Variants in ABCB4 observed in about 807,000 individuals in gnomAD.
ABCB4 encodes the protein phosphatidylcholine translocator ABCB4.
ABCB4 carries 76 observed loss-of-function variants against 145.7 expected under a neutral mutation model. The ratio of observed to expected loss-of-function variants is 0.52; its 90% CI spans 0.43 to 0.63. The LOEUF (loss-of-function observed/expected upper bound fraction) is 0.63, where lower values mean the gene tolerates loss of function less well. Among genes scored for constraint, ABCB4 ranks in the 30% least tolerant of loss-of-function variants. The pLI is 0.00. For synonymous variants in ABCB4, 517 were observed against 566.8 expected (o/e 0.91, Z 1.25); for missense variants, 1,234 against 1,553.1 (o/e 0.79, Z 3.45).
downstream of ABCB4, chr7:87,398,350 G>A: frequency 1.3e-6 from 1 of 773,258 alleles, no homozygotes; most frequent in South Asian, 1.4e-5. Flanking sequence ...GTGTTTCTTA[G>A]CATTATCTAC....
chr7:87,390,324 G>T, the ABCB4 span, among the ~76,000 whole-genome samples: 1 of 152,054 alleles, frequency 6.6e-6, no homozygotes. Flanking sequence ...TTTACCTAAC[G>T]TTTCAGTAGT....
At chr7:87,428,379 C>T (rs533376187) in intron 15 of ABCB4, among the ~76,000 whole-genome samples, 1 of 152,112 alleles carries the variant, frequency 6.6e-6, no homozygotes, top group African/African-American at 2.4e-5. Flanking sequence ...TTTCTTCCAC[C>T]CAGGTATACT....
chr7:87,474,267 T>C (rs941127397), intron 2 of ABCB4, among the ~76,000 whole-genome samples: 1 of 152,234 alleles, frequency 6.6e-6, no homozygotes, highest in African/African-American at 2.4e-5. Flanking sequence ...AGTCAATCCC[T>C]GCCTAAACAG....
chr7:87,382,447 C>A, the ABCB4 span: 6 of 1,613,774 alleles, frequency 3.7e-6, no homozygotes, highest in Non-Finnish European at 4.2e-6. Flanking sequence ...TATGCCTTTA[C>A]ATCTTTTGGC....
chr7:87,392,615 A>G, the ABCB4 span: 1 of 1,613,578 alleles, frequency 6.2e-7, no homozygotes, highest in East Asian at 2.2e-5. Context: ...AAGCATAATA[A>G]AATGATGAAA....
the ABCB4 span, chr7:87,393,098 C>CT: frequency 1.9e-6 from 3 of 1,602,674 alleles, no homozygotes; most frequent in African/African-American, 2.7e-5. Context: ...TCTTTCTGTG[C>CT]TATAGAGTAG....
chr7:87,464,281 A>G (rs1463653953), intron 3 of ABCB4, among the ~76,000 whole-genome samples: 1 of 152,196 alleles, frequency 6.6e-6, no homozygotes, highest in African/African-American at 2.4e-5. Context: ...GACAGGGACA[A>G]ACTCCATCAT....
In ABCB4 at chr7:87,462,771, G is replaced by A. The variant is rs766793303; in HGVS notation, c.273C>T (p.Asn91=). ...AGAAATGCTTACCTGGAAAGGAGAA[G>A]TTTCCTGCAGTATCAACAAATTTGT... ...MTDKFVDTAG[N]FSFPVNFSLS... Residue 91 remains asparagine (N), a synonymous_variant, in exon 4 of 28, where the codon AAC becomes AAT. Transcript: ENST00000649586. 6.2e-7 allele frequency: 1 copy of A among 1,613,946 alleles called. No homozygotes were observed. Among genetic ancestry groups the A allele is most frequent in the Non-Finnish European group, 8.5e-7 (1 of 1,179,894 alleles).
intron 19 of ABCB4, 122 bp from the exon 20 acceptor site, chr7:87,418,742 G>T: frequency 2.3e-6 from 2 of 869,984 alleles, no homozygotes; most frequent in South Asian, 1.4e-5. Context: ...GCAGTGTAGA[G>T]TCCCTGGCCT....
chr7:87,405,267 A>G (rs1478573494), intron 26 of ABCB4, among the ~76,000 whole-genome samples: 8 of 152,218 alleles, frequency 5.3e-5, no homozygotes, highest in Non-Finnish European at 1.0e-4. Flanking sequence ...CATACTGTAT[A>G]TATTTTTATA....
chr7:87,401,123 C>CTTGG (rs1160196752), downstream of ABCB4, among the ~76,000 whole-genome samples: 1 of 152,158 alleles, frequency 6.6e-6, no homozygotes, highest in African/African-American at 2.4e-5. Flanking sequence ...CCACTTTTAT[C>CTTGG]TTGGTTAATC....
chr7:87,432,354 G>A (rs917106087), intron 14 of ABCB4, among the ~76,000 whole-genome samples: 5 of 152,136 alleles, frequency 3.3e-5, no homozygotes, highest in Non-Finnish European at 7.4e-5. Context: ...CCTACTCTGA[G>A]ACAATCAAAC....
the ABCB4 span, chr7:87,382,642 T>A: frequency 8.1e-7 from 1 of 1,241,718 alleles, no homozygotes; most frequent in Non-Finnish European, 1.1e-6. Context: ...TTTTGCTCAC[T>A]TTTTTCCCAG....
the ABCB4 span, among the ~76,000 whole-genome samples, chr7:87,384,111 G>A: frequency 6.6e-6 from 1 of 152,072 alleles, no homozygotes; most frequent in Non-Finnish European, 1.5e-5. Context: ...TGATAAAAGT[G>A]ATTTTTAACT....
At chr7:87,448,187 T>C (rs897326595) in intron 8 of ABCB4, among the ~76,000 whole-genome samples, 6 of 152,150 alleles carry the variant, frequency 3.9e-5, no homozygotes, top group African/African-American at 1.4e-4. Context: ...AAAATTTAAT[T>C]TGGGCTCCCT....
rs1809758043 is a variant in ABCB4, at chr7:87,425,731, C to T, written c.2064+1019G>A. 2.0e-5 allele frequency among the ~76,000 whole-genome samples: 3 copies of T among 151,816 alleles called. No individual in the cohort carries two copies. The South Asian group carries it at 6.2e-4, about 32-fold the overall frequency. On this transcript the variant is annotated intron_variant, in intron 16 of 27. Transcript: ENST00000649586. The stretch of plus-strand genomic sequence containing the variant: ...TCTACAAAAAGCACAGAAAAATTAG[C>T]CAGGTGTGGTGGCACACACCTGTAG...
At chr7:87,470,547 A>C (rs1235761956) in intron 3 of ABCB4, among the ~76,000 whole-genome samples, 1 of 152,236 alleles carries the variant, frequency 6.6e-6, no homozygotes, top group Non-Finnish European at 1.5e-5. Context: ...CCCACCAACA[A>C]GTGGGTGAAG....
intron 6 of ABCB4, among the ~76,000 whole-genome samples, chr7:87,452,018 C>G (rs547601414): frequency 3.9e-5 from 6 of 152,234 alleles, no homozygotes; most frequent in African/African-American, 1.2e-4. Context: ...TAAGTTGATA[C>G]TATTAAATGA....
At chr7:87,453,422 G>C (rs1380819549) in intron 5 of ABCB4, among the ~76,000 whole-genome samples, 1 of 152,022 alleles carries the variant, frequency 6.6e-6, no homozygotes, top group East Asian at 1.9e-4. Context: ...GACCTCAAGT[G>C]ATCTGCTCAC....
Sources: gnomAD v4.1 joint callset for allele counts (sites outside exome capture counted in the v4.1 genomes callset) on GRCh38, gnomAD v4.1.1 for gene constraint, MANE v1.5 for transcripts, NCBI Gene and HGNC (gene_info 2026-07-23, HGNC 2026-07-21) for gene names.